DTNA: variants seen among roughly 807,000 people sequenced by gnomAD.
DTNA encodes the protein dystrobrevin alpha.
DTNA carries 43 observed loss-of-function variants against 100.7 expected under a neutral mutation model. The observed-to-expected ratio is 0.43, with a 90% CI of 0.33 to 0.55. The LOEUF is 0.55. Ranked by LOEUF, DTNA falls within the 20% of genes least tolerant of loss-of-function variation. DTNA has a pLI of 0.04. For synonymous variants in DTNA, 349 were observed against 347.9 expected (o/e 1.00, Z -0.04); for missense variants, 798 against 953.9 (o/e 0.84, Z 2.15).
intron 1 of DTNA, among the ~76,000 whole-genome samples, chr18:34,730,208 A>G (rs2087759679): frequency 6.6e-6 from 1 of 152,206 alleles, no homozygotes; most frequent in African/African-American, 2.4e-5. Flanking sequence ...CACTTAACAG[A>G]TAATACCCAT....
chr18:34,634,606 C>A (rs7242997), intron 1 of DTNA, among the ~76,000 whole-genome samples: 1 of 152,182 alleles, frequency 6.6e-6, no homozygotes, highest in East Asian at 1.9e-4. Flanking sequence ...TATATGTAGT[C>A]AGAAAAGGCA....
chr18:34,534,389 A>G (rs147146514), intron 1 of DTNA, among the ~76,000 whole-genome samples: 163 of 152,212 alleles, frequency 1.1e-3, no homozygotes, highest in African/African-American at 3.4e-3. Context: ...AAGGTTTAAA[A>G]TAATGTGTCT....
chr18:34,856,852 T>C (rs1276397748), intron 15 of DTNA, among the ~76,000 whole-genome samples: 3 of 152,250 alleles, frequency 2.0e-5, no homozygotes, highest in Admixed American at 2.0e-4. Flanking sequence ...GCTGTTGCTC[T>C]CTTTTCCTTC....
At chr18:34,705,664 T>C (rs1036013323), upstream of DTNA, among the ~76,000 whole-genome samples, 2 of 152,200 alleles carry the variant, frequency 1.3e-5, no homozygotes, top group Non-Finnish European at 2.9e-5. Flanking sequence ...TCTTAGACTT[T>C]CTAACTCAAA....
chr18:34,855,774 G>C (rs1368042127), intron 15 of DTNA, among the ~76,000 whole-genome samples: 1 of 152,146 alleles, frequency 6.6e-6, no homozygotes, highest in African/African-American at 2.4e-5. Context: ...ACAAGCCCAC[G>C]AATATTTTAT....
chr18:34,583,528 AAAAG>A (rs2048834270), intron 1 of DTNA, among the ~76,000 whole-genome samples: 1 of 152,172 alleles, frequency 6.6e-6, no homozygotes, highest in Admixed American at 6.5e-5. Context: ...AAAAGAATGA[AAAAG>A]AAACTCACTT....
At chr18:34,605,628 C>T (rs2052894401) in intron 1 of DTNA, among the ~76,000 whole-genome samples, 1 of 115,442 alleles carries the variant, frequency 8.7e-6, no homozygotes, top group African/African-American at 3.5e-5. Context: ...AAAATTGCAA[C>T]TCAGGCACAC....
At chr18:34,557,525 G>A (rs1283284028) in intron 1 of DTNA, among the ~76,000 whole-genome samples, 27 of 151,586 alleles carry the variant, frequency 1.8e-4, no homozygotes, top group African/African-American at 6.5e-4. Flanking sequence ...TTTGATGATG[G>A]TGATGTACAG....
rs906361561 is a variant in DTNA, at chr18:34,746,519, A to G, written c.-1-9457A>G. On this transcript the variant is annotated intron_variant, in intron 1 of 22. Coordinates refer to ENST00000444659, the MANE Select transcript of DTNA (RefSeq NM_001386795.1). Reference sequence around the variant, plus strand: ...GAAATACAGATGCACACATGTACACAGTCATTCTGCCAAGATACATCGTAT... The same window carrying G: ...GAAATACAGATGCACACATGTACACGGTCATTCTGCCAAGATACATCGTAT... Among the ~76,000 whole-genome samples the G allele has an allele frequency of 5.3e-5, 8 of 152,284 alleles. No individual in the cohort carries two copies. In the South Asian group the frequency reaches 1.7e-3, roughly 32 times the overall value.
chr18:34,649,259 T>C (rs1374065035), intron 1 of DTNA, among the ~76,000 whole-genome samples: 1 of 152,220 alleles, frequency 6.6e-6, no homozygotes, highest in Non-Finnish European at 1.5e-5. Flanking sequence ...GCTATTTCAA[T>C]GTTTATAAGT....
At chr18:34,673,845 A>G (rs935314260) in intron 1 of DTNA, among the ~76,000 whole-genome samples, 2 of 152,230 alleles carry the variant, frequency 1.3e-5, no homozygotes, top group Non-Finnish European at 2.9e-5. Context: ...TTGACGAAAT[A>G]TCAAGAATAA....
intron 1 of DTNA, among the ~76,000 whole-genome samples, chr18:34,754,387 AT>A (rs1201215424): frequency 8.5e-5 from 13 of 152,054 alleles, no homozygotes; most frequent in African/African-American, 2.7e-4. Flanking sequence ...TAATTACCTC[AT>A]TGTGTCTTAA....
intron 1 of DTNA, among the ~76,000 whole-genome samples, chr18:34,701,167 C>T (rs955264715): frequency 2.0e-5 from 3 of 152,146 alleles, no homozygotes; most frequent in Non-Finnish European, 4.4e-5. Context: ...CATTTGCTCT[C>T]GTACAAATTA....
At chr18:34,625,453 G>A (rs532278717) in intron 1 of DTNA, among the ~76,000 whole-genome samples, 35 of 152,316 alleles carry the variant, frequency 2.3e-4, no homozygotes, top group African/African-American at 7.7e-4. Flanking sequence ...GATTATAGGC[G>A]TGAGCCACTG....
rs1411496578 is a variant in DTNA at position 34,496,684 on chromosome 18, T to C, written c.-2+3170T>C. Reference sequence around the variant, plus strand: ...GGGACAAGTTTTAATAAAATAATTATACCAATAAATGATTACTTGTAAGTT... The same window carrying C: ...GGGACAAGTTTTAATAAAATAATTACACCAATAAATGATTACTTGTAAGTT... On this transcript the variant is annotated intron_variant, in intron 1 of 19. Coordinates refer to the DTNA transcript ENST00000283365. Among the ~76,000 whole-genome samples the C allele has an allele frequency of 2.0e-5, 3 of 152,298 alleles. No individual in the cohort carries two copies. In the East Asian group the frequency reaches 5.8e-4, roughly 29 times the overall value.
At chr18:34,765,296 G>A (rs1252201381) in intron 2 of DTNA, among the ~76,000 whole-genome samples, 1 of 152,168 alleles carries the variant, frequency 6.6e-6, no homozygotes, top group East Asian at 1.9e-4. Flanking sequence ...GGTTGTTTTA[G>A]AAAGGCATGT....
rs35805954 is a variant in DTNA, at chr18:34,510,069, T to TTGTGTGTGTGTG, written c.-2+16568_-2+16579dup. The stretch of plus-strand genomic sequence containing the variant: ...TGGTTTCATGTGAGTGAGTGTAATT[T>TTGTGTGTGTGTG]TGTGTGTGTGTGTGTGTGTGTGTGG... On this transcript the variant is annotated intron_variant, in intron 1 of 19. Coordinates refer to the DTNA transcript ENST00000283365. Among the ~76,000 whole-genome samples, 282 of 145,006 alleles carry TTGTGTGTGTGTG rather than the reference T, an allele frequency of 1.9e-3. 1 individual carries two copies. Among genetic ancestry groups the TTGTGTGTGTGTG allele is most frequent in the Middle Eastern group, 0.014 (4 of 288 alleles).
At chr18:34,856,947 C>G (rs1368720547) in intron 15 of DTNA, among the ~76,000 whole-genome samples, 1 of 152,040 alleles carries the variant, frequency 6.6e-6, no homozygotes, top group Non-Finnish European at 1.5e-5. Context: ...GGGTGTTAGC[C>G]CTGGAGGAAA....
chr18:34,570,053 C>T (rs910998265), intron 1 of DTNA, among the ~76,000 whole-genome samples: 1 of 152,174 alleles, frequency 6.6e-6, no homozygotes, highest in Non-Finnish European at 1.5e-5. Flanking sequence ...ATCAGTTGTC[C>T]TGTCTTCTCT....
Sources: gnomAD v4.1 joint callset for allele counts (sites outside exome capture counted in the v4.1 genomes callset) on GRCh38, gnomAD v4.1.1 for gene constraint, MANE v1.5 for transcripts, NCBI Gene and HGNC (gene_info 2026-07-23, HGNC 2026-07-21) for gene names.